PITPNC1: variants seen among roughly 807,000 people sequenced by gnomAD.
PITPNC1 encodes phosphatidylinositol transfer protein cytoplasmic 1.
In PITPNC1, 18 loss-of-function variants were observed where a neutral mutation model predicts 44.7. The ratio of observed to expected loss-of-function variants is 0.40; its 90% CI spans 0.28 to 0.60. The LOEUF is 0.60. PITPNC1 is among the 20% of genes least tolerant of loss of function. The pLI is 0.39. For missense variants in PITPNC1, 290 were observed against 418.4 expected, an observed-to-expected ratio of 0.69 and a Z score of 2.68; for synonymous variants, 141 against 149.6, an observed-to-expected ratio of 0.94 and a Z score of 0.42.
chr17:67,502,821 C>A (rs1253590848), intron 1 of PITPNC1, among the ~76,000 whole-genome samples: 1 of 143,202 alleles, frequency 7.0e-6, no homozygotes, highest in Non-Finnish European at 1.5e-5. Flanking sequence ...GAGATGGAGT[C>A]TTGCTCTGTC....
chr17:67,598,556 T>TAGAC (rs1394163562), intron 5 of PITPNC1, among the ~76,000 whole-genome samples: 2 of 152,286 alleles, frequency 1.3e-5, no homozygotes, highest in East Asian at 3.9e-4. Flanking sequence ...GGGCCCCAGA[T>TAGAC]AGACCCCTTG....
At chr17:67,380,078 C>CTTTTTT (rs527469040) in intron 1 of PITPNC1, among the ~76,000 whole-genome samples, 1 of 139,652 alleles carries the variant, frequency 7.2e-6, no homozygotes, top group African/African-American at 2.6e-5. Context: ...CTTTTCTTTT[C>CTTTTTT]TTTTTTTTTT....
chr17:67,403,218 CAA>C (rs34768084), intron 1 of PITPNC1, among the ~76,000 whole-genome samples: 21 of 68,960 alleles, frequency 3.0e-4, no homozygotes, highest in Admixed American at 4.4e-4. Context: ...CTCATCTCTA[CAA>C]AAAAAAAAAA....
At chr17:67,431,137 C>T (rs1157890096) in intron 1 of PITPNC1, among the ~76,000 whole-genome samples, 1 of 148,368 alleles carries the variant, frequency 6.7e-6, no homozygotes, top group East Asian at 2.0e-4. Context: ...TGGCTCACTG[C>T]AAGCTCCACC....
intron 1 of PITPNC1, among the ~76,000 whole-genome samples, chr17:67,404,445 A>G (rs1268090231): frequency 6.6e-6 from 1 of 152,214 alleles, no homozygotes; most frequent in Middle Eastern, 3.2e-3. Flanking sequence ...CATTATATGA[A>G]TATTCAGAAA....
chr17:67,510,410 G>T (rs908257350), intron 1 of PITPNC1, among the ~76,000 whole-genome samples: 1 of 152,134 alleles, frequency 6.6e-6, no homozygotes, highest in Non-Finnish European at 1.5e-5. Flanking sequence ...TTCTCTCCAA[G>T]ACCCCCATTC....
At chr17:67,458,073 C>T (rs36049013) in intron 1 of PITPNC1, among the ~76,000 whole-genome samples, 8,857 of 152,220 alleles carry the variant, frequency 0.058, 356 homozygotes, top group Admixed American at 0.11. Context: ...CTGGACTCCC[C>T]ATCAGTGTGA....
chr17:67,577,540 G>A (rs1300642213), intron 4 of PITPNC1, among the ~76,000 whole-genome samples: 1 of 151,376 alleles, frequency 6.6e-6, no homozygotes, highest in Non-Finnish European at 1.5e-5. Flanking sequence ...CAGCCTGGGC[G>A]ACAGAGCAAG....
chr17:67,392,992 T>A (rs2038161350), intron 1 of PITPNC1, among the ~76,000 whole-genome samples: 1 of 151,942 alleles, frequency 6.6e-6, no homozygotes, highest in Non-Finnish European at 1.5e-5. Flanking sequence ...TAGCCGGGCA[T>A]GGTGGTGCAC....
chr17:67,670,933 G>A (rs1409098869), intron 7 of PITPNC1, among the ~76,000 whole-genome samples: 7 of 152,024 alleles, frequency 4.6e-5, no homozygotes, highest in African/African-American at 1.7e-4. Context: ...CCAGGCTGGA[G>A]TACAGTGGCA....
rs532970703 is a variant in PITPNC1 at position 67,530,485 on chromosome 17, C to G, written c.49-2317C>G. 3.3e-4 allele frequency among the ~76,000 whole-genome samples: 50 copies of G among 152,184 alleles called. 1 individual carries two copies. Among genetic ancestry groups the G allele is most frequent in the African/African-American group, 1.1e-3 (46 of 41,506 alleles). On this transcript the variant is annotated intron_variant, in intron 1 of 8. Transcript: ENST00000581322. ...TCTAAGTTTCCCTTTATTATAAGGA[C>G]ACCAGGCATTTTGGATAAGGGCCTA...
At chr17:67,411,650 G>A (rs7207677) in intron 1 of PITPNC1, among the ~76,000 whole-genome samples, 7,793 of 152,066 alleles carry the variant, frequency 0.051, 619 homozygotes, top group African/African-American at 0.18. Context: ...AAGACCAGAA[G>A]GCAACTTGGT....
intron 1 of PITPNC1, among the ~76,000 whole-genome samples, chr17:67,454,038 G>C (rs2039221408): frequency 6.6e-6 from 1 of 152,096 alleles, no homozygotes; most frequent in Non-Finnish European, 1.5e-5. Flanking sequence ...ATCGCCTGAG[G>C]TCAGGAGTTG....
chr17:67,530,020 C>T (rs1026759044), intron 1 of PITPNC1, among the ~76,000 whole-genome samples: 3 of 150,804 alleles, frequency 2.0e-5, no homozygotes, highest in Admixed American at 2.0e-4. Context: ...AAAGTGTCAG[C>T]AGGCTTGGTT....
chr17:67,514,056 A>G (rs1390673598), intron 1 of PITPNC1, among the ~76,000 whole-genome samples: 1 of 147,770 alleles, frequency 6.8e-6, no homozygotes, highest in Non-Finnish European at 1.5e-5. Context: ...GTAGGTCGAG[A>G]TAGAAGAGGG....
intron 1 of PITPNC1, among the ~76,000 whole-genome samples, chr17:67,388,892 C>T (rs565600107): frequency 2.8e-4 from 43 of 152,296 alleles, no homozygotes; most frequent in African/African-American, 9.4e-4. Flanking sequence ...AGTGAGCCAC[C>T]GCGCCTGGCA....
At chr17:67,539,014 G>T (rs1486704666) in intron 2 of PITPNC1, among the ~76,000 whole-genome samples, 1 of 150,498 alleles carries the variant, frequency 6.6e-6, no homozygotes, top group Non-Finnish European at 1.5e-5. Context: ...ATGGGCAAAG[G>T]ATTGAACATG....
chr17:67,444,647 A>G (rs1476335577), intron 1 of PITPNC1, among the ~76,000 whole-genome samples: 1 of 152,184 alleles, frequency 6.6e-6, no homozygotes. Context: ...CTGTAATCCC[A>G]GCACTTTGGG....
At chr17:67,616,643 T>C (rs946109823) in intron 5 of PITPNC1, among the ~76,000 whole-genome samples, 4 of 152,168 alleles carry the variant, frequency 2.6e-5, no homozygotes, top group Admixed American at 2.6e-4. Context: ...TTCTCAACCC[T>C]TTTGTTGAGC....
Sources: allele counts gnomAD v4.1 joint callset (sites outside exome capture counted in the v4.1 genomes callset), GRCh38; gene constraint gnomAD v4.1.1; transcripts MANE v1.5; gene names NCBI Gene and HGNC (gene_info 2026-07-23, HGNC 2026-07-21).